The following DIP2C variants were observed in gnomAD, a reference collection of about 807,000 sequenced individuals.
DIP2C encodes the protein DIP2 acetate--CoA ligase C (putative), also known as disco-interacting protein 2 homolog C.
Under a neutral mutation model 192.4 loss-of-function variants are expected in DIP2C, and 33 were observed. That is an observed-to-expected ratio of 0.17 (90% CI 0.13 to 0.23). The LOEUF is 0.23. DIP2C is among the 10% of genes least tolerant of loss of function. DIP2C has a pLI of 1.00. For synonymous variants in DIP2C, 979 were observed against 864.1 expected, an observed-to-expected ratio of 1.13 and a Z score of -2.33; for missense variants, 1,537 against 2,110.1, an observed-to-expected ratio of 0.73 and a Z score of 5.32.
intron 4 of DIP2C, among the ~76,000 whole-genome samples, chr10:434,664 T>C (rs982523781): frequency 6.6e-6 from 1 of 152,270 alleles, no homozygotes; most frequent in African/African-American, 2.4e-5. Context: ...GCAGGTCTAC[T>C]GGCAACAAAT....
Position 361,765 on chromosome 10 carries a change from C to A in DIP2C, c.2794+725G>T, listed in dbSNP as rs567626573. 1.1e-3 allele frequency among the ~76,000 whole-genome samples: 168 copies of A among 152,222 alleles called. 1 individual carries two copies. Among genetic ancestry groups the A allele is most frequent in the African/African-American group, 3.9e-3 (162 of 41,534 alleles). ...TCACAAGGCTGTTTACGTCCCGAGGCGGCAGACAGAGGCAGCGTTTTCCAC... is the reference window on the plus strand; with the variant it reads ...TCACAAGGCTGTTTACGTCCCGAGGAGGCAGACAGAGGCAGCGTTTTCCAC... On this transcript the variant is annotated intron_variant, in intron 22 of 36. Transcript: ENST00000280886.
chr10:507,886 T>C (rs892258426), intron 1 of DIP2C, among the ~76,000 whole-genome samples: 4 of 152,162 alleles, frequency 2.6e-5, no homozygotes, highest in Admixed American at 6.5e-5. Flanking sequence ...CAAGTTTAAA[T>C]GAGGGGCCCA....
chr10:432,022 G>A (rs1470213017), intron 4 of DIP2C, among the ~76,000 whole-genome samples: 1 of 151,444 alleles, frequency 6.6e-6, no homozygotes, highest in African/African-American at 2.4e-5. Context: ...ACGTTAATTG[G>A]TTTTCAAATG....
intron 16 of DIP2C, among the ~76,000 whole-genome samples, 200 bp from the exon 17 acceptor site, chr10:382,961 C>T (rs1037184061): frequency 9.9e-5 from 15 of 152,212 alleles, no homozygotes; most frequent in Admixed American, 2.6e-4. Flanking sequence ...TTAAAGAATG[C>T]AACCTCCACA....
At chr10:564,197 C>G (rs1385872844) in intron 1 of DIP2C, among the ~76,000 whole-genome samples, 1 of 152,148 alleles carries the variant, frequency 6.6e-6, no homozygotes, top group Non-Finnish European at 1.5e-5. Context: ...CTAGCAGGCC[C>G]TCGGGGGAGA....
intron 1 of DIP2C, among the ~76,000 whole-genome samples, chr10:527,293 C>T (rs1345023208): frequency 6.6e-6 from 1 of 152,206 alleles, no homozygotes; most frequent in Non-Finnish European, 1.5e-5. Context: ...CGACCCTCCC[C>T]GCTTCTGGGC....
intron 32 of DIP2C, among the ~76,000 whole-genome samples, chr10:300,957 T>C (rs912388231): frequency 6.6e-6 from 1 of 152,250 alleles, no homozygotes; most frequent in Non-Finnish European, 1.5e-5. Context: ...ACATCTTTTA[T>C]TAAACAGAAA....
intron 1 of DIP2C, among the ~76,000 whole-genome samples, chr10:505,037 C>T (rs944471579): frequency 1.3e-5 from 2 of 152,178 alleles, no homozygotes; most frequent in Non-Finnish European, 2.9e-5. Context: ...CCACCCTGCC[C>T]TCCAAGGGAT....
At chr10:312,560 T>A (rs1956609836) in intron 31 of DIP2C, among the ~76,000 whole-genome samples, 1 of 152,022 alleles carries the variant, frequency 6.6e-6, no homozygotes, top group South Asian at 2.1e-4. Flanking sequence ...CAAAGCCCAA[T>A]GGAAAAACTG....
At chr10:476,262 C>G (rs745755960) in intron 2 of DIP2C, among the ~76,000 whole-genome samples, 1 of 152,178 alleles carries the variant, frequency 6.6e-6, no homozygotes, top group Non-Finnish European at 1.5e-5. Context: ...AGCACCTGCT[C>G]AGCTATCATG....
At chr10:648,944 G>A (rs1281918361) in intron 1 of DIP2C, among the ~76,000 whole-genome samples, 2 of 148,138 alleles carry the variant, frequency 1.4e-5, no homozygotes, top group Non-Finnish European at 3.0e-5. Flanking sequence ...GAGAACAGAG[G>A]CAAACTGAGT....
At chr10:329,718 G>A (rs936348481) in intron 29 of DIP2C, 117 bp from the exon 30 acceptor site, 2 of 1,303,776 alleles carry the variant, frequency 1.5e-6, no homozygotes, top group East Asian at 2.5e-5. Context: ...AACAGCCCGT[G>A]CTGCCATCTG....
At position 422,719 on chromosome 10, in the gene DIP2C, G is replaced by A. The variant is rs951956001; in HGVS notation, c.604+105C>T. Reference sequence around the variant, plus strand: ...ACCCCAGGGGCCAGAGGAGCTCTGTGCTCTTTCCACCGAGGGATTCCGCTG... The same window carrying A: ...ACCCCAGGGGCCAGAGGAGCTCTGTACTCTTTCCACCGAGGGATTCCGCTG... On this transcript the variant is annotated intron_variant, in intron 5 of 36. Transcript: ENST00000280886. 222 of 1,373,060 alleles carry A rather than the reference G, an allele frequency of 1.6e-4. 1 individual carries two copies. The African/African-American group carries it at 2.6e-3, about 16-fold the overall frequency. The allele number at this position is 1,373,060 out of a possible 1,614,324, so 85.1% of individuals were successfully genotyped here.
chr10:399,307 G>T, intron 9 of DIP2C, 88 bp from the exon 10 acceptor site: 1 of 968,556 alleles, frequency 1.0e-6, no homozygotes, highest in Non-Finnish European at 1.7e-6. Flanking sequence ...AGGTGAGAGG[G>T]CACGCTTCAG....
chr10:320,678 G>T (rs962766805), intron 31 of DIP2C, among the ~76,000 whole-genome samples: 3 of 152,104 alleles, frequency 2.0e-5, no homozygotes, highest in African/African-American at 7.2e-5. Flanking sequence ...CAGTGCTTTG[G>T]GAGGCTGAGG....
chr10:587,543 G>A (rs549524598), intron 1 of DIP2C, among the ~76,000 whole-genome samples: 13 of 152,202 alleles, frequency 8.5e-5, no homozygotes, highest in Non-Finnish European at 1.6e-4. Context: ...CTATCCTCAA[G>A]ACATTGATCA....
At chr10:632,417 G>A (rs910986370) in intron 1 of DIP2C, among the ~76,000 whole-genome samples, 6 of 146,884 alleles carry the variant, frequency 4.1e-5, no homozygotes, top group Non-Finnish European at 9.0e-5. Flanking sequence ...GGCCAGCACC[G>A]TAACTGGAGA....
intron 3 of DIP2C, among the ~76,000 whole-genome samples, chr10:470,414 A>ACC (rs1023490532): frequency 6.6e-6 from 1 of 151,966 alleles, no homozygotes; most frequent in Non-Finnish European, 1.5e-5. Flanking sequence ...ACTCTCAGCC[A>ACC]CCCCCTCTGC....
At chr10:596,264 C>T (rs986005426) in intron 1 of DIP2C, among the ~76,000 whole-genome samples, 3 of 151,994 alleles carry the variant, frequency 2.0e-5, no homozygotes, top group Non-Finnish European at 2.9e-5. Flanking sequence ...AATCCCAGCA[C>T]GTTGGGTGGC....
Sources: gnomAD v4.1 joint callset for allele counts (sites outside exome capture counted in the v4.1 genomes callset) on GRCh38, gnomAD v4.1.1 for gene constraint, MANE v1.5 for transcripts, NCBI Gene and HGNC (gene_info 2026-07-23, HGNC 2026-07-21) for gene names.